The following FHIT variants were observed in gnomAD, a reference collection of about 807,000 sequenced individuals.
FHIT encodes bis(5'-adenosyl)-triphosphatase.
FHIT carries 19 observed loss-of-function variants against 17.9 expected under a neutral mutation model. That is an observed-to-expected ratio of 1.06 (90% CI 0.74 to 1.56). FHIT has a LOEUF of 1.56. Ranked by LOEUF, FHIT falls within the 40% of genes most tolerant of loss-of-function variation. The probability of loss-of-function intolerance (pLI) is 0.00; values close to 1 mark genes in which losing one functional copy is unlikely to be tolerated. For synonymous variants in FHIT, 81 were observed against 69.7 expected, an observed-to-expected ratio of 1.16 and a Z score of -0.81; for missense variants, 248 against 189.2, an observed-to-expected ratio of 1.31 and a Z score of -1.82.
At chr3:60,569,755 A>ATATTTTTTTTTTTT in intron 4 of FHIT, among the ~76,000 whole-genome samples, 1 of 77,344 alleles carries the variant, frequency 1.3e-5, no homozygotes, top group Non-Finnish European at 2.3e-5. Flanking sequence ...ATATATATAT[A>ATATTTTTTTTTTTT]TTTTTTTTTT....
intron 5 of FHIT, among the ~76,000 whole-genome samples, chr3:60,530,318 C>T (rs1576821343): frequency 6.6e-6 from 1 of 152,136 alleles, no homozygotes; most frequent in Non-Finnish European, 1.5e-5. Context: ...CATGTACATG[C>T]CTCAGGAACA....
intron 3 of FHIT, among the ~76,000 whole-genome samples, chr3:61,027,309 A>T (rs2107659338): frequency 6.6e-6 from 1 of 152,004 alleles, no homozygotes; most frequent in African/African-American, 2.4e-5. Context: ...CTGGTCTCGA[A>T]CTCCTGACCT....
At chr3:60,545,637 A>T (rs1333442888) in intron 4 of FHIT, among the ~76,000 whole-genome samples, 2 of 152,196 alleles carry the variant, frequency 1.3e-5, no homozygotes, top group Non-Finnish European at 2.9e-5. Flanking sequence ...GTCTTTTCAT[A>T]TCCAGATATA....
At position 60,083,831 on chromosome 3, in the gene FHIT, G is replaced by C. The variant is rs529770322; in HGVS notation, c.104-69679C>G. ...AAAAACAAATAGTGGGCCAAATTTAGCCTGCAGGCTCTTGTTTGCCAACCC... is the reference window on the plus strand; with the variant it reads ...AAAAACAAATAGTGGGCCAAATTTACCCTGCAGGCTCTTGTTTGCCAACCC... On this transcript the variant is annotated intron_variant, in intron 5 of 9. Transcript: ENST00000492590. Among the ~76,000 whole-genome samples, 340 of 152,318 alleles carry C rather than the reference G, an allele frequency of 2.2e-3. 3 individuals carry two copies. Among genetic ancestry groups the C allele is most frequent in the African/African-American group, 7.7e-3 (322 of 41,582 alleles).
At chr3:59,986,212 A>G (rs1322209292) in intron 7 of FHIT, among the ~76,000 whole-genome samples, 1 of 151,950 alleles carries the variant, frequency 6.6e-6, no homozygotes, top group Non-Finnish European at 1.5e-5. Flanking sequence ...AAAAACAAGG[A>G]AAGAAGAAAA....
chr3:61,127,926 A>G (rs1448096891), intron 2 of FHIT, among the ~76,000 whole-genome samples: 1 of 152,202 alleles, frequency 6.6e-6, no homozygotes, highest in Non-Finnish European at 1.5e-5. Context: ...ACATCTACAC[A>G]TAGAAGGTAT....
At position 60,094,172 on chromosome 3, in the gene FHIT, C is replaced by A. The variant is rs1453295727; in HGVS notation, c.104-80020G>T. On this transcript the variant is annotated intron_variant, in intron 5 of 9. Transcript: ENST00000492590. ...CCCACTAACAGACTTTTCCCCATCT[C>A]AAGTTCTCAATCATTCATTTTGTTA... Among the ~76,000 whole-genome samples, 21 of 152,188 alleles carry A rather than the reference C, an allele frequency of 1.4e-4. 1 individual carries two copies. Among genetic ancestry groups the A allele is most frequent in the Admixed American group, 1.4e-3 (21 of 15,282 alleles).
At chr3:60,070,870 TC>T (rs1270922538) in intron 5 of FHIT, among the ~76,000 whole-genome samples, 2 of 152,246 alleles carry the variant, frequency 1.3e-5, no homozygotes, top group African/African-American at 2.4e-5. Context: ...TTTAAGGGAT[TC>T]GGCTAAAATC....
intron 7 of FHIT, among the ~76,000 whole-genome samples, chr3:59,985,709 C>G (rs1708866300): frequency 6.6e-6 from 1 of 152,130 alleles, no homozygotes; most frequent in African/African-American, 2.4e-5. Flanking sequence ...TGAGTCCTGT[C>G]TGTCTTAAAG....
intron 3 of FHIT, among the ~76,000 whole-genome samples, chr3:60,897,167 T>C (rs1471176589): frequency 6.6e-6 from 1 of 152,228 alleles, no homozygotes; most frequent in Non-Finnish European, 1.5e-5. Context: ...ACTGCATTAA[T>C]GTATTATGGC....
At chr3:61,055,223 T>A (rs2034175964) in intron 2 of FHIT, among the ~76,000 whole-genome samples, 1 of 152,142 alleles carries the variant, frequency 6.6e-6, no homozygotes, top group Non-Finnish European at 1.5e-5. Context: ...ATGCTCCATA[T>A]CTGAAGAAAG....
At chr3:60,826,675 A>G (rs532704464) in intron 3 of FHIT, among the ~76,000 whole-genome samples, 14 of 152,306 alleles carry the variant, frequency 9.2e-5, no homozygotes, top group East Asian at 7.7e-4. Context: ...ACCATCTGTC[A>G]TTTGGAATGA....
chr3:60,473,782 G>A lies in FHIT; in HGVS notation c.103+63078C>T, dbSNP rs150701110. ...AAAATACAATAAAAATTAGCCAGGC[G>A]TGGCAGCATGCACCTGTATAGTCCC... is the stretch of plus-strand genomic sequence containing the variant. On this transcript the variant is annotated intron_variant, in intron 5 of 9. Coordinates refer to ENST00000492590, the MANE Select transcript of FHIT (RefSeq NM_002012.4). Among the ~76,000 whole-genome samples, 668 of 152,122 alleles carry A rather than the reference G, an allele frequency of 4.4e-3. 4 individuals are homozygous for A. The highest frequency in any genetic ancestry group is 0.017 in the Middle Eastern group (5 of 294).
intron 8 of FHIT, among the ~76,000 whole-genome samples, chr3:59,753,831 G>A (rs1701052890): frequency 6.6e-6 from 1 of 152,158 alleles, no homozygotes; most frequent in Non-Finnish European, 1.5e-5. Flanking sequence ...AGGTAGTGGG[G>A]TAGGTGCCAG....
At chr3:61,153,774 T>C (rs1321763717) in intron 2 of FHIT, among the ~76,000 whole-genome samples, 1 of 152,200 alleles carries the variant, frequency 6.6e-6, no homozygotes, top group African/African-American at 2.4e-5. Context: ...ATTATGAAAA[T>C]GGTGATTTAT....
intron 5 of FHIT, among the ~76,000 whole-genome samples, chr3:60,190,930 G>A (rs958999017): frequency 4.6e-5 from 7 of 151,800 alleles, no homozygotes; most frequent in Admixed American, 4.6e-4. Context: ...GCAACAGAGT[G>A]AGACTCCATC....
chr3:60,108,726 T>C lies in FHIT; in HGVS notation c.104-94574A>G, dbSNP rs530105125. Among the ~76,000 whole-genome samples the C allele has an allele frequency of 3.9e-5, 6 of 151,966 alleles. No individual in the cohort carries two copies. The South Asian group carries it at 1.3e-3, about 32-fold the overall frequency. On this transcript the variant is annotated intron_variant, in intron 5 of 9. Transcript: ENST00000492590. ...TCGTCCAGGCAGGAGTCCAATGGCT[T>C]GACCTCAGCTCACCACAACCTCCAC...
intron 4 of FHIT, among the ~76,000 whole-genome samples, chr3:60,635,765 A>G (rs578232521): frequency 1.3e-5 from 2 of 152,330 alleles, no homozygotes; most frequent in African/African-American, 2.4e-5. Flanking sequence ...TATATAATAG[A>G]AAAAGCAGCC....
Position 59,791,542 on chromosome 3 carries a change from C to A in FHIT, c.349-39221G>T, listed in dbSNP as rs563622581. On this transcript the variant is annotated intron_variant, in intron 8 of 9. Coordinates refer to ENST00000492590, the MANE Select transcript of FHIT (RefSeq NM_002012.4). ...AGTTACATGAGCTAATAAACTCGTT[C>A]TCATTCTCTTAAGGCTCTTAAGGCA... Among the ~76,000 whole-genome samples the A allele has an allele frequency of 2.8e-4, 42 of 152,276 alleles. No individual in the cohort carries two copies. In the South Asian group the frequency reaches 3.7e-3, roughly 14 times the overall value.
Sources: allele counts gnomAD v4.1 joint callset (sites outside exome capture counted in the v4.1 genomes callset), GRCh38; gene constraint gnomAD v4.1.1; transcripts MANE v1.5; gene names NCBI Gene and HGNC (gene_info 2026-07-23, HGNC 2026-07-21).